Variants in WDPCP observed in about 807,000 individuals in gnomAD.
WDPCP encodes the protein WD repeat-containing and planar cell polarity effector protein fritz homolog.
WDPCP carries 71 observed loss-of-function variants against 93.1 expected under a neutral mutation model. That is an observed-to-expected ratio of 0.76 (90% CI 0.63 to 0.93). The LOEUF is 0.93. WDPCP is among the 40% of genes least tolerant of loss of function. The pLI is 0.00. For synonymous variants in WDPCP, 315 were observed against 315.0 expected (o/e 1.00, Z 0.00); for missense variants, 844 against 887.4 (o/e 0.95, Z 0.62).
chr2:63,611,853 C>G (rs947272464), intron 3 of WDPCP, among the ~76,000 whole-genome samples: 4 of 152,192 alleles, frequency 2.6e-5, no homozygotes, highest in Non-Finnish European at 5.9e-5. Flanking sequence ...CCCTCTAACT[C>G]TGCTGGGAAT....
intron 1 of WDPCP, among the ~76,000 whole-genome samples, chr2:63,517,486 C>A (rs975227280): frequency 1.3e-5 from 2 of 152,112 alleles, no homozygotes; most frequent in Admixed American, 1.3e-4. Context: ...ATGTATCCCA[C>A]AGATGAATAG....
At chr2:63,307,711 T>C (rs1045672987) in intron 13 of WDPCP, among the ~76,000 whole-genome samples, 3 of 151,680 alleles carry the variant, frequency 2.0e-5, no homozygotes, top group Non-Finnish European at 4.4e-5. Flanking sequence ...GGACCCCTTA[T>C]ACAAAAATTA....
At chr2:63,536,115 C>T (rs1042346109) in intron 1 of WDPCP, among the ~76,000 whole-genome samples, 1 of 152,172 alleles carries the variant, frequency 6.6e-6, no homozygotes, top group Non-Finnish European at 1.5e-5. Flanking sequence ...TGAAAATATG[C>T]TTATCATCAC....
chr2:63,593,778 A>G (rs3768678), upstream of WDPCP: 1 of 424,422 alleles, frequency 2.4e-6, no homozygotes, highest in East Asian at 7.1e-5. Context: ...ATATATTTCT[A>G]TCTTTTAAAA....
chr2:63,338,569 AATATATATATATATAT>A (rs1159039677), intron 12 of WDPCP, among the ~76,000 whole-genome samples: 4 of 14,492 alleles, frequency 2.8e-4, no homozygotes, highest in South Asian at 3.1e-3. Flanking sequence ...AAAAAAAAAA[AATATATATATATATAT>A]ATATATATAT....
At position 63,644,589 on chromosome 2, in the gene WDPCP, G is replaced by A. The variant is rs575756709; in HGVS notation, n.488+6070C>T. 1.2e-4 allele frequency among the ~76,000 whole-genome samples: 19 copies of A among 152,184 alleles called. No homozygotes were observed. In the East Asian group the frequency reaches 1.7e-3, roughly 14 times the overall value. ...GATAGTTTTAGGAGGATTGGTATTC[G>A]TTTTTCATGAAATGTTTGGTAGAAT... On this transcript the variant is annotated intron_variant and non_coding_transcript_variant, in intron 3 of 4. Transcript: ENST00000467687.
intron 10 of WDPCP, among the ~76,000 whole-genome samples, chr2:63,392,967 T>G (rs1007397285): frequency 2.0e-5 from 3 of 152,140 alleles, no homozygotes; most frequent in African/African-American, 4.8e-5. Context: ...AACCATTGTG[T>G]AAGACAGTGT....
At chr2:63,654,742 A>G (rs1416414649) in intron 2 of WDPCP, among the ~76,000 whole-genome samples, 3 of 152,220 alleles carry the variant, frequency 2.0e-5, no homozygotes, top group Non-Finnish European at 4.4e-5. Context: ...TACATACTTT[A>G]AATCATCTCT....
chr2:63,643,659 G>T (rs1710011121), intron 3 of WDPCP: 3 of 464,674 alleles, frequency 6.5e-6, no homozygotes, highest in Admixed American at 2.5e-5. Context: ...TACCCACAAA[G>T]ATTTTTCTCA....
chr2:63,803,022 C>T (rs567577236), intron 2 of WDPCP, among the ~76,000 whole-genome samples: 4 of 152,150 alleles, frequency 2.6e-5, no homozygotes, highest in African/African-American at 4.8e-5. Flanking sequence ...TTCTAGAGAC[C>T]CTGACATTTC....
At chr2:63,528,291 C>T (rs929366590) in intron 1 of WDPCP, among the ~76,000 whole-genome samples, 1 of 152,198 alleles carries the variant, frequency 6.6e-6, no homozygotes, top group African/African-American at 2.4e-5. Flanking sequence ...AGTCCTTGCC[C>T]ATGCCTATGT....
Position 63,487,441 on chromosome 2 carries a change from C to A in WDPCP, c.208+6G>T, listed in dbSNP as rs775227440. On this transcript the variant is annotated splice_donor_region_variant and intron_variant, in intron 3 of 17. Transcript: ENST00000272321. ...AAAAATTAATTGCACAGAATAGGTA[C>A]TTTACCTGGTGGATCTTTCTTGTCA... 6.9e-6 allele frequency: 11 copies of A among 1,585,280 alleles called. No individual in the cohort carries two copies. The highest frequency in any genetic ancestry group is 8.7e-6 in the Non-Finnish European group (10 of 1,155,786).
intron 12 of WDPCP, among the ~76,000 whole-genome samples, chr2:63,357,062 G>C (rs1437716402): frequency 6.6e-6 from 1 of 152,162 alleles, no homozygotes; most frequent in Non-Finnish European, 1.5e-5. Context: ...GGGATAACTG[G>C]CTAGCCATAT....
At chr2:63,334,522 T>C (rs924122534) in intron 12 of WDPCP, among the ~76,000 whole-genome samples, 4 of 152,122 alleles carry the variant, frequency 2.6e-5, no homozygotes, top group Non-Finnish European at 4.4e-5. Flanking sequence ...AGACAAATGG[T>C]TGCATTCTTT....
At chr2:63,830,119 T>C (rs538997891), upstream of WDPCP, among the ~76,000 whole-genome samples, 2 of 152,292 alleles carry the variant, frequency 1.3e-5, no homozygotes, top group Admixed American at 6.5e-5. Flanking sequence ...CTATCATAAA[T>C]ATGTTTAAGG....
chr2:63,144,868 C>T (rs1671369628), intron 17 of WDPCP, among the ~76,000 whole-genome samples: 1 of 152,044 alleles, frequency 6.6e-6, no homozygotes, highest in South Asian at 2.1e-4. Context: ...TTTCTGGTTC[C>T]TTCTCATTTG....
chr2:63,331,700 A>C (rs566031976), intron 12 of WDPCP, among the ~76,000 whole-genome samples: 66 of 152,302 alleles, frequency 4.3e-4, no homozygotes, highest in Non-Finnish European at 7.8e-4. Context: ...TCAGGCTTTG[A>C]AAAACAATTT....
intron 3 of WDPCP, among the ~76,000 whole-genome samples, chr2:63,646,709 G>C (rs1334360744): frequency 6.6e-6 from 1 of 151,992 alleles, no homozygotes; most frequent in Non-Finnish European, 1.5e-5. Flanking sequence ...TTTTCCTTCA[G>C]CATTTTAAAT....
At chr2:63,709,616 C>T (rs960463617) in intron 2 of WDPCP, among the ~76,000 whole-genome samples, 3 of 152,258 alleles carry the variant, frequency 2.0e-5, no homozygotes, top group Admixed American at 6.5e-5. Context: ...TCCTAACTGC[C>T]TCTAAATTGT....
Sources: allele counts gnomAD v4.1 joint callset (sites outside exome capture counted in the v4.1 genomes callset), GRCh38; gene constraint gnomAD v4.1.1; transcripts MANE v1.5; gene names NCBI Gene and HGNC (gene_info 2026-07-23, HGNC 2026-07-21).